AFAP1L1: variants seen among roughly 807,000 people sequenced by gnomAD.
The protein encoded by AFAP1L1 is actin filament-associated protein 1-like 1.
Under a neutral mutation model 99.8 loss-of-function variants are expected in AFAP1L1, and 77 were observed. The observed-to-expected ratio is 0.77, with a 90% confidence interval of 0.64 to 0.93. AFAP1L1 has a LOEUF of 0.93. AFAP1L1 is among the 40% of genes least tolerant of loss of function. AFAP1L1 has a pLI of 0.00. For synonymous variants in AFAP1L1, 373 were observed against 395.3 expected (o/e 0.94, Z 0.67); for missense variants, 893 against 996.8 (o/e 0.90, Z 1.40).
At chr5:149,314,371 A>G (rs1445211344) in intron 9 of AFAP1L1, among the ~76,000 whole-genome samples, 3 of 152,142 alleles carry the variant, frequency 2.0e-5, no homozygotes, top group South Asian at 2.1e-4. Context: ...AAGCTTGCAG[A>G]GTTGAGCTTT....
chr5:149,282,200 A>C (rs552934058), intron 1 of AFAP1L1, among the ~76,000 whole-genome samples: 3 of 152,198 alleles, frequency 2.0e-5, no homozygotes, highest in Admixed American at 1.3e-4. Flanking sequence ...ACCACATTGC[A>C]GTCATACCAG....
intron 1 of AFAP1L1, among the ~76,000 whole-genome samples, chr5:149,280,926 C>T (rs1227534995): frequency 6.6e-6 from 1 of 152,204 alleles, no homozygotes; most frequent in East Asian, 1.9e-4. Flanking sequence ...GACATGGAAG[C>T]AGAACACCCA....
intron 1 of AFAP1L1, among the ~76,000 whole-genome samples, chr5:149,273,629 T>C (rs74684985): frequency 0.015 from 2,244 of 152,242 alleles, 54 homozygotes; most frequent in African/African-American, 0.051. Flanking sequence ...TCTCACCTGT[T>C]AACTGATTTC....
intron 5 of AFAP1L1, among the ~76,000 whole-genome samples, chr5:149,303,400 C>G (rs1379440423): frequency 6.6e-6 from 1 of 152,076 alleles, no homozygotes; most frequent in Non-Finnish European, 1.5e-5. Context: ...CAGATGAAGT[C>G]ACTTGTTTGG....
At position 149,316,059 on chromosome 5, in the gene AFAP1L1, A is replaced by G. The variant is rs111953502; in HGVS notation, c.1115-92A>G. 97 of 1,585,216 alleles carry G rather than the reference A, an allele frequency of 6.1e-5. 3 individuals are homozygous for G. In the African/African-American group the frequency reaches 8.9e-4, roughly 15 times the overall value. On this transcript the variant is annotated intron_variant, in intron 10 of 18. Transcript: ENST00000296721. ...CTGCCATCCCTGGAGCTGCAGGCCC[A>G]TCCTGTATGCAGGCTGAAAAGGCCA... is the stretch of plus-strand genomic sequence containing the variant.
At position 149,319,644 on chromosome 5, in the gene AFAP1L1, A is replaced by G; in HGVS notation, c.1542A>G (p.Arg514=). The change falls in exon 13 of 19, where the codon AGA becomes AGG. Residue 514 remains arginine (R), a synonymous_variant. Transcript: ENST00000296721. ...LGLLLVEMGS[R]VTPEALHYDY... ...TGCTGCTGGTGGAGATGGGCTCCAG[A>G]GTCACTCCGGAGGCGCTGCACTATG... The G allele has an allele frequency of 6.2e-7, 1 of 1,613,156 alleles. No homozygotes were observed. The highest frequency in any genetic ancestry group is 8.5e-7 in the Non-Finnish European group (1 of 1,179,998).
Position 149,307,352 on chromosome 5 carries a change from T to C in AFAP1L1, c.536-50T>C, listed in dbSNP as rs1756449053. The C allele has an allele frequency of 5.6e-6, 9 of 1,596,266 alleles. 1 individual carries two copies. In the South Asian group the frequency reaches 8.8e-5, roughly 16 times the overall value. On this transcript the variant is annotated intron_variant, in intron 6 of 18. Coordinates refer to ENST00000296721, the MANE Select transcript of AFAP1L1 (RefSeq NM_152406.4). Reference sequence around the variant, plus strand: ...GGATCGCTGCAGAGGGGTGAGAAGGTGCTTCCCCAGGATGGCACAGTGATG... The same window carrying C: ...GGATCGCTGCAGAGGGGTGAGAAGGCGCTTCCCCAGGATGGCACAGTGATG...
At chr5:149,273,907 G>T (rs1331088899) in intron 1 of AFAP1L1, among the ~76,000 whole-genome samples, 5 of 152,076 alleles carry the variant, frequency 3.3e-5, no homozygotes, top group Non-Finnish European at 7.4e-5. Context: ...AAAGTGCACT[G>T]TGTCATCCTA....
intron 6 of AFAP1L1, 53 bp from the exon 7 acceptor site, chr5:149,307,349 A>C: frequency 5.7e-6 from 9 of 1,585,994 alleles, no homozygotes; most frequent in Non-Finnish European, 7.8e-6. Context: ...AGGGGTGAGA[A>C]GGTGCTTCCC....
chr5:149,302,778 T>C, intron 5 of AFAP1L1: 1 of 376,698 alleles, frequency 2.7e-6, no homozygotes, highest in South Asian at 4.7e-5. Flanking sequence ...GAAAATCCCC[T>C]TGCCCTCTGG....
At chr5:149,313,358 T>C (rs1756697766) in intron 9 of AFAP1L1, among the ~76,000 whole-genome samples, 1 of 152,232 alleles carries the variant, frequency 6.6e-6, no homozygotes, top group Non-Finnish European at 1.5e-5. Context: ...CTAGTATTTA[T>C]AGACTGTGAC....
rs77265181 is a variant in AFAP1L1, at chr5:149,338,597, T to C, written c.2284-1410T>C. 1.6e-4 allele frequency among the ~76,000 whole-genome samples: 25 copies of C among 152,360 alleles called. No homozygotes were observed. In the East Asian group the frequency reaches 4.8e-3, roughly 29 times the overall value. On this transcript the variant is annotated intron_variant, in intron 18 of 18. Transcript: ENST00000296721. ...ATTAAACAAATATTTGTTGAAGACC[T>C]ACCATATGCCAGTCTTGTTCTAGTT...
chr5:149,290,399 A>G (rs376643676), intron 1 of AFAP1L1, among the ~76,000 whole-genome samples: 13 of 152,324 alleles, frequency 8.5e-5, no homozygotes, highest in African/African-American at 3.1e-4. Context: ...TGTTCCCGCT[A>G]GTGAGGTAGA....
At chr5:149,300,591 A>T (rs1756170264) in intron 3 of AFAP1L1, among the ~76,000 whole-genome samples, 1 of 152,254 alleles carries the variant, frequency 6.6e-6, no homozygotes, top group Non-Finnish European at 1.5e-5. Context: ...AGTCCAAAGA[A>T]GGCATGGCAC....
At position 149,273,764 on chromosome 5, in the gene AFAP1L1, C is replaced by A. The variant is rs146796722; in HGVS notation, c.16+1780C>A. Among the ~76,000 whole-genome samples the A allele has an allele frequency of 3.9e-5, 6 of 151,996 alleles. No individual in the cohort carries two copies. The East Asian group carries it at 1.2e-3, about 29-fold the overall frequency. On this transcript the variant is annotated intron_variant, in intron 1 of 18. Coordinates refer to ENST00000296721, the MANE Select transcript of AFAP1L1 (RefSeq NM_152406.4). ...TCTAAAGCAAATACCACCATCCCCC[C>A]TCCCCTTCACACTCCTAGTCGCCCG... is the stretch of plus-strand genomic sequence containing the variant.
At chr5:149,301,312 G>C (rs552052982) in intron 4 of AFAP1L1, 82 bp downstream of exon 4, 1 of 1,355,348 alleles carries the variant, frequency 7.4e-7, no homozygotes, top group Non-Finnish European at 1.0e-6. Context: ...TTCCCACTGG[G>C]TGCTCTCCTG....
rs184055286 is a variant in AFAP1L1, at chr5:149,343,591, A to G, written c.*3561A>G. ...AAGCTCACATTCTAGTTGGAGGAAAAAACCTTAACAAGGAAGCAAAAGAAA... is the reference window on the plus strand; with the variant it reads ...AAGCTCACATTCTAGTTGGAGGAAAGAACCTTAACAAGGAAGCAAAAGAAA... On this transcript the variant is annotated 3_prime_UTR_variant, in exon 19 of 19. Transcript: ENST00000296721. 1.3e-5 allele frequency among the ~76,000 whole-genome samples: 2 copies of G among 152,320 alleles called. No homozygotes were observed.
rs1039373058 is a variant in AFAP1L1, at chr5:149,271,937, G to C, written c.-32G>C. 4.1e-6 allele frequency: 5 copies of C among 1,226,520 alleles called. No homozygotes were observed. Among genetic ancestry groups the C allele is most frequent in the Non-Finnish European group, 5.1e-6 (5 of 983,710 alleles). The allele number at this position is 1,226,520 out of a possible 1,614,324, so 76.0% of individuals were successfully genotyped here. On this transcript the variant is annotated 5_prime_UTR_variant, in exon 1 of 19. Transcript: ENST00000296721. ...AGCCGCGCCGGAGCCCCTGCGCCCTGCGGCCCGCTCCCCGGGGACCGGGCC... is the reference window on the plus strand; with the variant it reads ...AGCCGCGCCGGAGCCCCTGCGCCCTCCGGCCCGCTCCCCGGGGACCGGGCC...
chr5:149,292,168 AG>A (rs1260233619), intron 1 of AFAP1L1, among the ~76,000 whole-genome samples: 3 of 152,262 alleles, frequency 2.0e-5, no homozygotes, highest in African/African-American at 4.8e-5. Flanking sequence ...CACTGGGCCT[AG>A]TTTGATAGGA....
Sources: allele counts gnomAD v4.1 joint callset (sites outside exome capture counted in the v4.1 genomes callset), GRCh38; gene constraint gnomAD v4.1.1; transcripts MANE v1.5; gene names NCBI Gene and HGNC (gene_info 2026-07-23, HGNC 2026-07-21).